RHBDD1: variants seen among roughly 807,000 people sequenced by gnomAD.
RHBDD1 encodes rhomboid-related protein 4.
Under a neutral mutation model 36.3 loss-of-function variants are expected in RHBDD1, and 38 were observed. The ratio of observed to expected loss-of-function variants is 1.05; its 90% CI spans 0.81 to 1.37. The LOEUF (loss-of-function observed/expected upper bound fraction) is 1.37. RHBDD1 is among the 40% of genes most tolerant of loss of function. The probability of loss-of-function intolerance (pLI) is 0.00; values close to 1 mark genes in which losing one functional copy is unlikely to be tolerated. For synonymous variants in RHBDD1, 151 were observed against 136.5 expected (o/e 1.11, Z -0.74); for missense variants, 393 against 377.6 (o/e 1.04, Z -0.34).
At chr2:226,962,701 G>C (rs956751051) in intron 8 of RHBDD1, among the ~76,000 whole-genome samples, 3 of 152,180 alleles carry the variant, frequency 2.0e-5, no homozygotes, top group African/African-American at 7.2e-5. Flanking sequence ...ATGAGAAAAG[G>C]CAGACAAGGG....
At chr2:226,847,146 A>G (rs1335011553) in intron 3 of RHBDD1, among the ~76,000 whole-genome samples, 2 of 152,202 alleles carry the variant, frequency 1.3e-5, no homozygotes, top group Non-Finnish European at 2.9e-5. Flanking sequence ...GCATGCATCA[A>G]AAGTGAAATT....
At chr2:226,858,632 A>G (rs1350397796) in intron 3 of RHBDD1, among the ~76,000 whole-genome samples, 1 of 152,168 alleles carries the variant, frequency 6.6e-6, no homozygotes, top group African/African-American at 2.4e-5. Context: ...TAGAATTGAA[A>G]ATCACTGAAA....
rs1161586304 is a variant in RHBDD1, at chr2:226,926,995, TAC to T, written c.856+12647_856+12648del. On this transcript the variant is annotated intron_variant, in intron 8 of 8. Transcript: ENST00000392062. The stretch of plus-strand genomic sequence containing the variant: ...ATAGTGAAATTTACTCCGTGTGGTG[TAC>T]ACTTATGTGAGCTTTGACAGAAGTA... 2.0e-5 allele frequency among the ~76,000 whole-genome samples: 3 copies of T among 152,168 alleles called. No individual in the cohort carries two copies. The East Asian group carries it at 5.8e-4, about 29-fold the overall frequency.
the RHBDD1 span, among the ~76,000 whole-genome samples, chr2:226,816,375 CAAAAA>C: frequency 3.1e-5 from 2 of 64,938 alleles, no homozygotes; most frequent in African/African-American, 4.7e-5. Context: ...GGAATGGTGG[CAAAAA>C]AAAAAAAAAA....
the RHBDD1 span, among the ~76,000 whole-genome samples, chr2:226,800,868 A>G: frequency 1.3e-5 from 2 of 152,220 alleles, no homozygotes; most frequent in Admixed American, 6.5e-5. Context: ...TGGTTACTTC[A>G]TGAGTGGACC....
intron 3 of RHBDD1, among the ~76,000 whole-genome samples, chr2:226,861,169 A>G (rs1212671986): frequency 1.3e-5 from 2 of 152,232 alleles, no homozygotes; most frequent in Non-Finnish European, 2.9e-5. Context: ...AAGCTGAAAA[A>G]TAGAAATTTG....
At position 226,985,792 on chromosome 2, in the gene RHBDD1, G is replaced by A. The variant is rs370462072; in HGVS notation, c.857-9639G>A. Among the ~76,000 whole-genome samples the A allele has an allele frequency of 1.3e-4, 20 of 152,358 alleles. No homozygotes were observed. The East Asian group carries it at 2.5e-3, about 19-fold the overall frequency. On this transcript the variant is annotated intron_variant, in intron 8 of 8. Coordinates refer to ENST00000392062, the MANE Select transcript of RHBDD1 (RefSeq NM_001167608.3). ...AGGGGTGCAGAACCCAGCAAGGTTA[G>A]GGATGATTCCAGACCACTATATCCT... is the stretch of plus-strand genomic sequence containing the variant.
intron 8 of RHBDD1, among the ~76,000 whole-genome samples, chr2:226,918,269 T>A (rs1456652506): frequency 6.6e-6 from 1 of 152,010 alleles, no homozygotes; most frequent in Non-Finnish European, 1.5e-5. Context: ...GTATAATACA[T>A]CAGGGTAAAT....
At chr2:226,886,832 C>T (rs1005479042) in intron 5 of RHBDD1, among the ~76,000 whole-genome samples, 8 of 151,298 alleles carry the variant, frequency 5.3e-5, no homozygotes, top group African/African-American at 1.9e-4. Flanking sequence ...CTATTATATA[C>T]CAAAAAATTT....
At chr2:226,805,369 C>T in the RHBDD1 span, among the ~76,000 whole-genome samples, 5 of 152,302 alleles carry the variant, frequency 3.3e-5, no homozygotes, top group East Asian at 3.9e-4. Context: ...TGCCCTACCA[C>T]GCCCAGGTAA....
upstream of RHBDD1, among the ~76,000 whole-genome samples, chr2:226,832,662 T>A (rs1940770837): frequency 6.6e-6 from 1 of 152,268 alleles, no homozygotes; most frequent in African/African-American, 2.4e-5. Context: ...TATACATTTA[T>A]AACTGTTATA....
At chr2:226,917,913 TTGA>T (rs1483240053) in intron 8 of RHBDD1, among the ~76,000 whole-genome samples, 2 of 152,016 alleles carry the variant, frequency 1.3e-5, no homozygotes, top group African/African-American at 4.8e-5. Flanking sequence ...TAATAGTTAA[TTGA>T]TGATTTTTGA....
chr2:226,820,743 C>A, the RHBDD1 span, among the ~76,000 whole-genome samples: 4,287 of 151,858 alleles, frequency 0.028, 94 homozygotes, highest in Non-Finnish European at 0.044. Context: ...ATTGCATGAG[C>A]CCTGGAGTTT....
At chr2:226,813,052 GC>G in the RHBDD1 span, among the ~76,000 whole-genome samples, 1 of 152,126 alleles carries the variant, frequency 6.6e-6, no homozygotes, top group Admixed American at 6.5e-5. Flanking sequence ...TGGCTCCAAA[GC>G]CCTTGTATTT....
intron 5 of RHBDD1, among the ~76,000 whole-genome samples, chr2:226,881,148 T>C (rs1945693757): frequency 6.6e-6 from 1 of 151,928 alleles, no homozygotes; most frequent in Non-Finnish European, 1.5e-5. Flanking sequence ...AACCACCAGA[T>C]CTCCTGAGAA....
chr2:226,956,014 T>G (rs1425164262), intron 8 of RHBDD1, among the ~76,000 whole-genome samples: 1 of 152,070 alleles, frequency 6.6e-6, no homozygotes, highest in Non-Finnish European at 1.5e-5. Flanking sequence ...TATATTGCAG[T>G]CCCCATGACA....
intron 7 of RHBDD1, among the ~76,000 whole-genome samples, chr2:226,909,476 A>T (rs1948358614): frequency 6.6e-6 from 1 of 152,148 alleles, no homozygotes; most frequent in Non-Finnish European, 1.5e-5. Flanking sequence ...GCCAGGTGTT[A>T]GCCATGGCCA....
At position 226,864,787 on chromosome 2, in the gene RHBDD1, C is replaced by A; in HGVS notation, c.94C>A (p.Leu32Ile). 3 of 1,614,188 alleles carry A rather than the reference C, an allele frequency of 1.9e-6. No individual in the cohort carries two copies. Among genetic ancestry groups the A allele is most frequent in the African/African-American group, 2.7e-5 (2 of 75,068 alleles). Reference protein sequence around the residue: ...VGINNIPPVTLATLALNIWFF... With the variant: ...VGINNIPPVTIATLALNIWFF... The stretch of plus-strand genomic sequence containing the variant: ...GATCAACAATATTCCACCTGTCACC[C>A]TAGCAACTTTGGCCCTCAACATCTG... Residue 32 changes from leucine to isoleucine, a missense_variant, in exon 4 of 9, where the codon CTA becomes ATA. Physicochemically the swap from Leu to Ile is conservative, Grantham distance 5. Transcript: ENST00000392062.
At chr2:226,938,485 A>G (rs537683137) in intron 8 of RHBDD1, among the ~76,000 whole-genome samples, 1 of 152,286 alleles carries the variant, frequency 6.6e-6, no homozygotes, top group South Asian at 2.1e-4. Context: ...ATCAGAGAAT[A>G]TTATAAATAC....
Sources: allele counts gnomAD v4.1 joint callset (sites outside exome capture counted in the v4.1 genomes callset), GRCh38; gene constraint gnomAD v4.1.1; transcripts MANE v1.5; gene names NCBI Gene and HGNC (gene_info 2026-07-23, HGNC 2026-07-21).